Variants in LHPP observed in about 807,000 individuals in gnomAD.
LHPP encodes phospholysine phosphohistidine inorganic pyrophosphate phosphatase, also known as hLHPP.
Under a neutral mutation model 30.3 loss-of-function variants are expected in LHPP, and 24 were observed. That is an observed-to-expected ratio of 0.79 (90% CI 0.57 to 1.11). LHPP has a LOEUF of 1.11. Ranked by LOEUF, LHPP falls within the 50% of genes most tolerant of loss-of-function variation. The probability of loss-of-function intolerance (pLI) is 0.00; values close to 1 mark genes in which losing one functional copy is unlikely to be tolerated. For missense variants in LHPP, 356 were observed against 367.2 expected (o/e 0.97, Z 0.25); for synonymous variants, 150 against 157.1 (o/e 0.95, Z 0.34).
chr10:124,511,449 A>G (rs1160463804), intron 5 of LHPP, among the ~76,000 whole-genome samples: 2 of 152,178 alleles, frequency 1.3e-5, no homozygotes, highest in Non-Finnish European at 2.9e-5. Flanking sequence ...TGAAGTAGAG[A>G]GCACCACACC....
At chr10:124,497,242 TCCCATCCTCCCCATCCTC>T (rs1264255913) in intron 4 of LHPP, among the ~76,000 whole-genome samples, 339 of 24,962 alleles carry the variant, frequency 0.014, 5 homozygotes, top group Middle Eastern at 0.056. Context: ...TTCCCATCCT[TCCCATCCTCCCCATCCTC>T]CCCATCCTCC....
At chr10:124,504,398 C>T (rs546297278) in intron 5 of LHPP, among the ~76,000 whole-genome samples, 1 of 146,718 alleles carries the variant, frequency 6.8e-6, no homozygotes, top group East Asian at 2.0e-4. Context: ...TTGAGACCAG[C>T]CTGGGCAACA....
At chr10:124,462,330 G>C (rs531777354) in intron 1 of LHPP, among the ~76,000 whole-genome samples, 2 of 152,254 alleles carry the variant, frequency 1.3e-5, no homozygotes, top group African/African-American at 4.8e-5. Flanking sequence ...GCGGTGGCTC[G>C]CATCTGTGAT....
intron 6 of LHPP, among the ~76,000 whole-genome samples, chr10:124,569,163 G>A (rs1000419922): frequency 2.0e-5 from 3 of 152,200 alleles, no homozygotes; most frequent in Non-Finnish European, 2.9e-5. Context: ...GATCAGGAAT[G>A]GCTGTCTTTC....
chr10:124,481,248 A>T (rs1462480416), intron 1 of LHPP, among the ~76,000 whole-genome samples: 4 of 151,902 alleles, frequency 2.6e-5, no homozygotes, highest in African/African-American at 9.6e-5. Flanking sequence ...GGCACACTGG[A>T]TGGTGGGAGG....
chr10:124,548,905 T>G (rs1018491650), intron 6 of LHPP, among the ~76,000 whole-genome samples: 2 of 152,316 alleles, frequency 1.3e-5, no homozygotes, highest in Admixed American at 6.5e-5. Flanking sequence ...ATCGCAGCCT[T>G]GGTAGCCTTG....
intron 6 of LHPP, among the ~76,000 whole-genome samples, chr10:124,574,801 C>A (rs896246797): frequency 2.0e-5 from 3 of 152,232 alleles, no homozygotes; most frequent in Non-Finnish European, 4.4e-5. Flanking sequence ...AAGCACACCC[C>A]TCCTCGTCTT....
intron 6 of LHPP, among the ~76,000 whole-genome samples, chr10:124,609,788 G>T (rs1426696438): frequency 6.6e-6 from 1 of 152,174 alleles, no homozygotes; most frequent in African/African-American, 2.4e-5. Flanking sequence ...TGCTCTTCAG[G>T]TCTGGGGCTC....
intron 3 of LHPP, chr10:124,493,843 G>T (rs1056572948): frequency 1.3e-5 from 2 of 151,996 alleles, no homozygotes; most frequent in Non-Finnish European, 2.9e-5. Flanking sequence ...GGAGATTACC[G>T]GGCCTTTATA....
Position 124,498,577 on chromosome 10 carries a change from A to G in LHPP, c.624+449A>G. Reference sequence around the variant, plus strand: ...TTCCAAATTTTAGAAAGGAAAAAGAATCGGTTATGATTTTATTGTCTACAC... The same window carrying G: ...TTCCAAATTTTAGAAAGGAAAAAGAGTCGGTTATGATTTTATTGTCTACAC... On this transcript the variant is annotated intron_variant, in intron 5 of 6. Transcript: ENST00000368842. The G allele has an allele frequency of 3.8e-6, 4 of 1,047,868 alleles. No homozygotes were observed. The South Asian group carries it at 6.8e-5, about 18-fold the overall frequency. The allele number at this position is 1,047,868 out of a possible 1,614,324, so 64.9% of individuals were successfully genotyped here. A position where few individuals can be genotyped will look rare whatever the true frequency, so the allele number is the denominator to read the frequency against.
chr10:124,525,605 G>T (rs1954713488), intron 6 of LHPP, among the ~76,000 whole-genome samples: 1 of 152,214 alleles, frequency 6.6e-6, no homozygotes, highest in South Asian at 2.1e-4. Context: ...TGTGTGAAAG[G>T]AGGCTGGTGG....
At chr10:124,570,513 A>G (rs1290162743) in intron 6 of LHPP, among the ~76,000 whole-genome samples, 1 of 152,250 alleles carries the variant, frequency 6.6e-6, no homozygotes. Flanking sequence ...TACACAATTC[A>G]GTGGTCTTTA....
intron 6 of LHPP, among the ~76,000 whole-genome samples, chr10:124,611,770 C>G (rs1174979410): frequency 6.6e-6 from 1 of 152,116 alleles, no homozygotes. Context: ...TTGCAGAAAC[C>G]AAACCCTTTG....
intron 6 of LHPP, among the ~76,000 whole-genome samples, chr10:124,522,571 C>G (rs1954635241): frequency 1.3e-5 from 2 of 152,350 alleles, no homozygotes; most frequent in South Asian, 4.1e-4. Context: ...CTGGCCGCCC[C>G]CAGTCCCCTG....
At chr10:124,533,896 G>A (rs1383129179) in intron 6 of LHPP, among the ~76,000 whole-genome samples, 1 of 152,254 alleles carries the variant, frequency 6.6e-6, no homozygotes, top group Non-Finnish European at 1.5e-5. Flanking sequence ...GATATGGAAT[G>A]CAGGGGCTGA....
chr10:124,581,723 CTAT>C (rs1244680659), intron 6 of LHPP, among the ~76,000 whole-genome samples: 1 of 152,070 alleles, frequency 6.6e-6, no homozygotes, highest in African/African-American at 2.4e-5. Context: ...GGAGAAATGT[CTAT>C]TCAAATTTTT....
At chr10:124,474,306 A>G (rs900223216) in intron 1 of LHPP, among the ~76,000 whole-genome samples, 2 of 151,652 alleles carry the variant, frequency 1.3e-5, no homozygotes, top group Admixed American at 6.6e-5. Context: ...CACCTGGCCA[A>G]TTTTTGTATT....
chr10:124,597,172 G>A (rs533512212), intron 6 of LHPP, among the ~76,000 whole-genome samples: 20 of 152,248 alleles, frequency 1.3e-4, no homozygotes, highest in East Asian at 1.9e-4. Context: ...TTTTGGACTC[G>A]GACTTGGCCA....
chr10:124,527,765 C>T (rs143720344), intron 6 of LHPP, among the ~76,000 whole-genome samples: 198 of 127,064 alleles, frequency 1.6e-3, no homozygotes, highest in African/African-American at 6.6e-3. Flanking sequence ...GACGTGATCT[C>T]TTTGTGCTTT....
Sources: gnomAD v4.1 joint callset for allele counts (sites outside exome capture counted in the v4.1 genomes callset) on GRCh38, gnomAD v4.1.1 for gene constraint, MANE v1.5 for transcripts, NCBI Gene and HGNC (gene_info 2026-07-23, HGNC 2026-07-21) for gene names.